UBE2E3: variants seen among roughly 807,000 people sequenced by gnomAD.
The protein encoded by UBE2E3 is ubiquitin-conjugating enzyme E2 E3.
In UBE2E3, 5 loss-of-function variants were observed where a neutral mutation model predicts 23.6. That is an observed-to-expected ratio of 0.21 (90% CI 0.11 to 0.44). The LOEUF is 0.44. Ranked by LOEUF, UBE2E3 falls within the 20% of genes least tolerant of loss-of-function variation. UBE2E3 has a pLI of 0.99. For synonymous variants in UBE2E3, 78 were observed against 87.5 expected, an observed-to-expected ratio of 0.89 and a Z score of 0.60; for missense variants, 81 against 249.8, an observed-to-expected ratio of 0.32 and a Z score of 4.55.
chr2:181,028,279 C>T (rs998835841), intron 3 of UBE2E3, among the ~76,000 whole-genome samples: 33 of 151,932 alleles, frequency 2.2e-4, no homozygotes, highest in South Asian at 1.0e-3. Context: ...GATTTTATTA[C>T]GTGGATATAC....
At chr2:181,035,924 G>A (rs907493065) in intron 3 of UBE2E3, among the ~76,000 whole-genome samples, 13 of 143,898 alleles carry the variant, frequency 9.0e-5, no homozygotes, top group African/African-American at 3.2e-4. Flanking sequence ...TTTGTTTGGT[G>A]TTGAACTCTA....
intron 3 of UBE2E3, among the ~76,000 whole-genome samples, chr2:181,022,056 G>A (rs1406410271): frequency 6.6e-6 from 1 of 152,066 alleles, no homozygotes; most frequent in African/African-American, 2.4e-5. Flanking sequence ...TTTGGAAATT[G>A]TAAAATGCAG....
intron 3 of UBE2E3, among the ~76,000 whole-genome samples, chr2:181,004,034 T>C (rs528638433): frequency 6.6e-6 from 1 of 152,352 alleles, no homozygotes; most frequent in African/African-American, 2.4e-5. Flanking sequence ...TCACACTGCC[T>C]GCATCAGGTG....
At chr2:181,002,668 A>G (rs1685024273) in intron 3 of UBE2E3, among the ~76,000 whole-genome samples, 1 of 152,368 alleles carries the variant, frequency 6.6e-6, no homozygotes, top group Middle Eastern at 3.4e-3. Flanking sequence ...GAGATATTTC[A>G]TAATTTTTTT....
At chr2:181,061,048 T>C (rs1687138793) in intron 5 of UBE2E3, among the ~76,000 whole-genome samples, 2 of 151,386 alleles carry the variant, frequency 1.3e-5, no homozygotes, top group Admixed American at 6.6e-5. Flanking sequence ...TCTATAATTA[T>C]TTTGTCACCA....
Position 181,021,471 on chromosome 2 carries a change from C to A in UBE2E3, c.246-36222C>A, listed in dbSNP as rs1460546778. On this transcript the variant is annotated intron_variant, in intron 3 of 5. Transcript: ENST00000410062. ...TCCCTCCCTCTCTCTTTCTTTTTCTCTTTCTTTCTCTCTCTCTCTTCCTTT... is the reference window on the plus strand; with the variant it reads ...TCCCTCCCTCTCTCTTTCTTTTTCTATTTCTTTCTCTCTCTCTCTTCCTTT... Among the ~76,000 whole-genome samples the A allele has an allele frequency of 3.2e-5, 4 of 126,900 alleles. No homozygotes were observed. The Admixed American group carries it at 3.4e-4, about 11-fold the overall frequency. The allele number at this position is 126,900 out of a possible 152,430, so 83.3% of individuals were successfully genotyped here.
At chr2:181,018,076 C>A (rs1685551821) in intron 3 of UBE2E3, among the ~76,000 whole-genome samples, 1 of 151,982 alleles carries the variant, frequency 6.6e-6, no homozygotes. Context: ...TATGGGGCTG[C>A]TACAGTGATT....
chr2:181,050,251 A>T lies in UBE2E3; in HGVS notation c.246-7442A>T, dbSNP rs115041032. On this transcript the variant is annotated intron_variant, in intron 3 of 5. Transcript: ENST00000410062. The stretch of plus-strand genomic sequence containing the variant: ...ATACTAGTATAGATTTTTAATGCAA[A>T]TGGCCATATTTGTTTTGAAGGTGAT... Among the ~76,000 whole-genome samples the T allele has an allele frequency of 5.1e-3, 772 of 152,002 alleles. 6 individuals carry two copies. Among genetic ancestry groups the T allele is most frequent in the African/African-American group, 0.018 (734 of 41,536 alleles).
intron 3 of UBE2E3, among the ~76,000 whole-genome samples, chr2:181,029,369 A>G (rs566449441): frequency 1.1e-4 from 17 of 152,272 alleles, no homozygotes; most frequent in African/African-American, 4.1e-4. Context: ...ATTGAATTTG[A>G]GAAATTAGAA....
chr2:180,998,182 T>G (rs904683052), intron 3 of UBE2E3, among the ~76,000 whole-genome samples: 8 of 152,160 alleles, frequency 5.3e-5, no homozygotes, highest in African/African-American at 1.9e-4. Context: ...TTAATAGCAT[T>G]TCCTTTCACT....
At position 180,998,354 on chromosome 2, in the gene UBE2E3, ATG is replaced by A. The variant is rs528688060; in HGVS notation, c.245+14264_245+14265del. 2.3e-3 allele frequency among the ~76,000 whole-genome samples: 354 copies of A among 152,218 alleles called. 2 individuals are homozygous for A. The highest frequency in any genetic ancestry group is 8.2e-3 in the African/African-American group (342 of 41,534). On this transcript the variant is annotated intron_variant, in intron 3 of 5. Coordinates refer to ENST00000410062, the MANE Select transcript of UBE2E3 (RefSeq NM_006357.4). Reference sequence around the variant, plus strand: ...TAGTAGGCCAAGGGTGGCCTACTAAATGTGCATTTTAAGAAGGCATGTCTAAG... The same window carrying A: ...TAGTAGGCCAAGGGTGGCCTACTAAATGCATTTTAAGAAGGCATGTCTAAG...
intron 3 of UBE2E3, among the ~76,000 whole-genome samples, chr2:181,028,981 T>C (rs1685984989): frequency 1.3e-5 from 2 of 152,146 alleles, no homozygotes; most frequent in South Asian, 4.1e-4. Flanking sequence ...GGCTTGCCCT[T>C]AGTGTTCCAA....
chr2:181,051,320 A>G (rs184820058), intron 3 of UBE2E3, among the ~76,000 whole-genome samples: 28 of 151,934 alleles, frequency 1.8e-4, no homozygotes, highest in Admixed American at 7.2e-4. Context: ...ATTGGTAGAC[A>G]TAGTGGTTTT....
intron 3 of UBE2E3, among the ~76,000 whole-genome samples, chr2:181,031,301 C>A (rs922360684): frequency 1.3e-5 from 2 of 152,012 alleles, no homozygotes; most frequent in East Asian, 3.8e-4. Context: ...TCTGTATCTT[C>A]ATTTTTTCCC....
At chr2:181,053,636 A>G (rs1574223184) in intron 3 of UBE2E3, among the ~76,000 whole-genome samples, 1 of 151,770 alleles carries the variant, frequency 6.6e-6, no homozygotes, top group African/African-American at 2.4e-5. Flanking sequence ...CACCCCTGCT[A>G]TTATTGTCCC....
intron 3 of UBE2E3, among the ~76,000 whole-genome samples, chr2:181,045,142 T>C (rs1242839240): frequency 1.3e-5 from 2 of 152,194 alleles, no homozygotes; most frequent in Non-Finnish European, 2.9e-5. Context: ...ATCTACTTTT[T>C]AAAGACAAAT....
intron 3 of UBE2E3, among the ~76,000 whole-genome samples, chr2:180,986,049 A>C (rs1238157074): frequency 6.6e-6 from 1 of 152,126 alleles, no homozygotes; most frequent in African/African-American, 2.4e-5. Context: ...ATTTCATTTA[A>C]GTCCTTGAAA....
intron 3 of UBE2E3, among the ~76,000 whole-genome samples, chr2:181,026,354 C>T (rs1685883899): frequency 6.6e-6 from 1 of 151,326 alleles, no homozygotes; most frequent in Admixed American, 6.6e-5. Context: ...TGAATAAACC[C>T]TAGGTAACTC....
chr2:180,989,963 A>G (rs762866400), intron 3 of UBE2E3: 8 of 1,547,432 alleles, frequency 5.2e-6, no homozygotes, highest in Non-Finnish European at 3.5e-6. Flanking sequence ...CTTCTTCCCT[A>G]TCAATATGAG....
Sources: gnomAD v4.1 joint callset for allele counts (sites outside exome capture counted in the v4.1 genomes callset) on GRCh38, gnomAD v4.1.1 for gene constraint, MANE v1.5 for transcripts, NCBI Gene and HGNC (gene_info 2026-07-23, HGNC 2026-07-21) for gene names.